Variants in RCC1L observed in about 807,000 individuals in gnomAD.
The protein encoded by RCC1L is RCC1 like, also known as RCC1-like G exchanging factor-like protein.
Under a neutral mutation model 58.6 loss-of-function variants are expected in RCC1L, and 46 were observed. That is an observed-to-expected ratio of 0.79 (90% CI 0.62 to 1.00). RCC1L has a LOEUF of 1.00. Among genes scored for constraint, RCC1L ranks in the 50% least tolerant of loss-of-function variants. RCC1L has a pLI of 0.00. For synonymous variants in RCC1L, 281 were observed against 262.9 expected (o/e 1.07, Z -0.67); for missense variants, 636 against 623.6 (o/e 1.02, Z -0.21).
At chr7:75,054,648 GGTGT>G (rs1300232939) in intron 9 of RCC1L, among the ~76,000 whole-genome samples, 2 of 152,174 alleles carry the variant, frequency 1.3e-5, no homozygotes, top group East Asian at 1.9e-4. Context: ...CGGGCGTGGT[GGTGT>G]GTGCCTGTAA....
At chr7:75,066,615 G>A (rs1806496761) in intron 3 of RCC1L, 49 bp downstream of exon 3, 1 of 1,604,660 alleles carries the variant, frequency 6.2e-7, no homozygotes, top group Non-Finnish European at 8.5e-7. Context: ...CCAGTTCACA[G>A]TGAAATGGTC....
intron 9 of RCC1L, 55 bp from the exon 10 acceptor site, chr7:75,052,851 A>C: frequency 2.6e-6 from 4 of 1,533,442 alleles, no homozygotes; most frequent in South Asian, 1.2e-5. Flanking sequence ...ACAAGTCTCC[A>C]AGGAGAGGAT....
intron 2 of RCC1L, among the ~76,000 whole-genome samples, chr7:75,068,415 GT>G (rs879960095): frequency 6.6e-6 from 1 of 151,942 alleles, no homozygotes; most frequent in Non-Finnish European, 1.5e-5. Context: ...GTCGGGCATG[GT>G]GGCTCACACC....
At chr7:75,054,797 C>A (rs2131990913) in intron 9 of RCC1L, among the ~76,000 whole-genome samples, 1 of 150,918 alleles carries the variant, frequency 6.6e-6, no homozygotes, top group East Asian at 2.0e-4. Context: ...AAAAAGAATT[C>A]ATGAGACCTA....
At chr7:75,030,391 C>G (rs1805268589) in intron 10 of RCC1L, among the ~76,000 whole-genome samples, 2 of 152,262 alleles carry the variant, frequency 1.3e-5, no homozygotes, top group Non-Finnish European at 2.9e-5. Flanking sequence ...GAGGGCAGGA[C>G]TCGAATGCAG....
chr7:75,036,361 A>G (rs1304049681), intron 10 of RCC1L, among the ~76,000 whole-genome samples: 1 of 147,002 alleles, frequency 6.8e-6, no homozygotes, highest in Non-Finnish European at 1.5e-5. Context: ...ACCTCAGGTG[A>G]CCTGCCCGCT....
Position 75,066,759 on chromosome 7 carries a change from G to A in RCC1L, c.488C>T (p.Pro163Leu), listed in dbSNP as rs1199541718. Reference protein sequence around the residue: ...RGYEYVLEPSPVSLPLDRPQE... With the variant: ...RGYEYVLEPSLVSLPLDRPQE... ...AGGTCTGTCCAGAGGCAGGGAGACG[G>A]GTGAGGGCTCCAACACATACTCGTA... Residue 163 changes from proline (P) to leucine (L), a missense_variant, in exon 3 of 11, where the codon CCC becomes CTC. Pro to Leu is a moderately conservative substitution (Grantham distance 98). Coordinates refer to ENST00000610322, the MANE Select transcript of RCC1L (RefSeq NM_030798.5). 1.9e-6 allele frequency: 3 copies of A among 1,612,834 alleles called. No homozygotes were observed. Among genetic ancestry groups the A allele is most frequent in the Non-Finnish European group, 2.5e-6 (3 of 1,179,506 alleles).
At chr7:75,059,600 A>G (rs1263346268) in intron 6 of RCC1L, among the ~76,000 whole-genome samples, 1 of 151,626 alleles carries the variant, frequency 6.6e-6, no homozygotes, top group Non-Finnish European at 1.5e-5. Flanking sequence ...AAATAGAGAC[A>G]GCATCTCACT....
At chr7:75,061,095 A>C (rs1806263618) in intron 6 of RCC1L, 112 bp downstream of exon 6, 1 of 887,844 alleles carries the variant, frequency 1.1e-6, no homozygotes, top group Admixed American at 1.7e-5. Context: ...GATAAGAGGT[A>C]AGAGCTGAAT....
intron 2 of RCC1L, among the ~76,000 whole-genome samples, chr7:75,068,170 T>C (rs1248285710): frequency 1.3e-5 from 2 of 149,628 alleles, no homozygotes; most frequent in Non-Finnish European, 3.0e-5. Context: ...AAATACAAAA[T>C]TAGCCAGGCA....
chr7:75,041,863 CAA>C (rs1201913828), downstream of RCC1L, among the ~76,000 whole-genome samples: 18 of 64,498 alleles, frequency 2.8e-4, no homozygotes, highest in Middle Eastern at 9.6e-3. Context: ...GACTCTGTCT[CAA>C]AAAAAAAAAA....
intron 10 of RCC1L, among the ~76,000 whole-genome samples, chr7:75,046,166 C>T (rs1805713910): frequency 6.6e-6 from 1 of 152,230 alleles, no homozygotes; most frequent in South Asian, 2.1e-4. Context: ...GCTGTCATCC[C>T]CCAGCCCTGT....
chr7:75,067,277 G>A (rs1806531667), intron 2 of RCC1L, among the ~76,000 whole-genome samples: 1 of 150,548 alleles, frequency 6.6e-6, no homozygotes, highest in African/African-American at 2.5e-5. Context: ...CTTCAGCCTG[G>A]GGGACAAGAG....
At chr7:75,070,864 A>G in intron 1 of RCC1L, 95 bp from the exon 2 acceptor site, 1 of 1,524,158 alleles carries the variant, frequency 6.6e-7, no homozygotes, top group Non-Finnish European at 8.9e-7. Context: ...AAGAACACAT[A>G]CTATTTACGG....
intron 8 of RCC1L, chr7:75,056,842 A>G: frequency 2.9e-6 from 3 of 1,047,854 alleles, no homozygotes; most frequent in South Asian, 1.4e-5. Context: ...TTTTTGAAAC[A>G]GGGTCTCACC....
At chr7:75,065,728 C>A (rs906817986) in intron 3 of RCC1L, among the ~76,000 whole-genome samples, 16 of 152,164 alleles carry the variant, frequency 1.1e-4, no homozygotes, top group Admixed American at 1.0e-3. Flanking sequence ...ATAGAAAAAG[C>A]CACTTCCGGC....
At chr7:75,047,867 G>A (rs1426805459) in intron 10 of RCC1L, among the ~76,000 whole-genome samples, 1 of 142,586 alleles carries the variant, frequency 7.0e-6, no homozygotes, top group Non-Finnish European at 1.5e-5. Flanking sequence ...GGCTGGTATC[G>A]AACTCCTGAC....
intron 10 of RCC1L, among the ~76,000 whole-genome samples, chr7:75,047,892 A>G (rs1206231870): frequency 7.1e-6 from 1 of 141,064 alleles, no homozygotes; most frequent in Non-Finnish European, 1.5e-5. Context: ...TGATCTGCCC[A>G]TCTTGGCCTC....
At chr7:75,043,218 G>A in intron 10 of RCC1L, 109 bp from the exon 11 acceptor site, 1 of 1,248,470 alleles carries the variant, frequency 8.0e-7, no homozygotes, top group South Asian at 1.2e-5. Context: ...CTCAGTAGGA[G>A]ACAGCTTGTC....
Sources: gnomAD v4.1 joint callset for allele counts (sites outside exome capture counted in the v4.1 genomes callset) on GRCh38, gnomAD v4.1.1 for gene constraint, MANE v1.5 for transcripts, NCBI Gene and HGNC (gene_info 2026-07-23, HGNC 2026-07-21) for gene names.